TSNARE1: variants seen among roughly 807,000 people sequenced by gnomAD.
TSNARE1 encodes the protein t-SNARE domain containing 1, also known as t-SNARE domain-containing protein 1.
TSNARE1 carries 49 observed loss-of-function variants against 62.0 expected under a neutral mutation model. That is an observed-to-expected ratio of 0.79 (90% CI 0.63 to 1.00). TSNARE1 has a LOEUF of 1.00. Among genes scored for constraint, TSNARE1 ranks in the 50% least tolerant of loss-of-function variants. TSNARE1 has a pLI of 0.00. For synonymous variants in TSNARE1, 328 were observed against 294.4 expected (o/e 1.11, Z -1.17); for missense variants, 755 against 700.1 (o/e 1.08, Z -0.88).
chr8:142,305,369 G>A (rs1275582372), intron 9 of TSNARE1, among the ~76,000 whole-genome samples: 1 of 152,160 alleles, frequency 6.6e-6, no homozygotes, highest in East Asian at 1.9e-4. Context: ...GGGTGCAAAC[G>A]GGGTTCCGTG....
intron 13 of TSNARE1, among the ~76,000 whole-genome samples, chr8:142,216,905 G>A (rs1815866412): frequency 6.6e-6 from 1 of 152,150 alleles, no homozygotes; most frequent in African/African-American, 2.4e-5. Flanking sequence ...CCATCAGAGG[G>A]GAGATGAAAC....
intron 4 of TSNARE1, among the ~76,000 whole-genome samples, chr8:142,336,128 A>C (rs1021871946): frequency 1.3e-5 from 2 of 152,104 alleles, no homozygotes; most frequent in African/African-American, 4.8e-5. Context: ...TAAAAAAATA[A>C]AAATTGGCCA....
intron 12 of TSNARE1, among the ~76,000 whole-genome samples, chr8:142,247,297 C>G (rs73716174): frequency 0.014 from 2,167 of 152,322 alleles, 48 homozygotes; most frequent in African/African-American, 0.049. Flanking sequence ...GGGTCCAGCC[C>G]CCACCCTGGT....
At chr8:142,290,128 A>G (rs1190409778) in intron 10 of TSNARE1, among the ~76,000 whole-genome samples, 1 of 152,138 alleles carries the variant, frequency 6.6e-6, no homozygotes, top group Non-Finnish European at 1.5e-5. Context: ...GGGCTCCCCC[A>G]CGGGCCTAGG....
intron 11 of TSNARE1, chr8:142,280,060 ACTGC>A: frequency 1.6e-6 from 2 of 1,235,728 alleles, no homozygotes; most frequent in South Asian, 2.8e-5. Context: ...CAGCGCGTTC[ACTGC>A]CTGCAGGATG....
chr8:142,213,050 CT>C (rs1227474265), intron 13 of TSNARE1, among the ~76,000 whole-genome samples: 2 of 37,870 alleles, frequency 5.3e-5, no homozygotes, highest in East Asian at 1.4e-3. Context: ...CTCCCCCTCC[CT>C]TCCCCCTCCA....
intron 12 of TSNARE1, chr8:142,269,836 G>A (rs1176058687): frequency 5.1e-6 from 5 of 985,328 alleles, no homozygotes; most frequent in East Asian, 1.1e-4. Flanking sequence ...CCAGGCGTGC[G>A]CAGAAGGCAG....
chr8:142,292,931 G>A (rs925011121), intron 10 of TSNARE1, among the ~76,000 whole-genome samples: 4 of 152,008 alleles, frequency 2.6e-5, no homozygotes, highest in South Asian at 2.1e-4. Flanking sequence ...GGCTCTTCAC[G>A]GGGTGGCAAG....
intron 7 of TSNARE1, among the ~76,000 whole-genome samples, chr8:142,315,969 G>A (rs1225141781): frequency 6.6e-6 from 1 of 152,236 alleles, no homozygotes; most frequent in African/African-American, 2.4e-5. Context: ...GCCGCGTGAA[G>A]GAGCCATTCG....
At chr8:142,232,136 G>A (rs184136992) in intron 12 of TSNARE1, among the ~76,000 whole-genome samples, 39 of 152,328 alleles carry the variant, frequency 2.6e-4, no homozygotes, top group Middle Eastern at 3.4e-3. Context: ...AGCAGTTCCC[G>A]GCCTTTGACT....
intron 9 of TSNARE1, among the ~76,000 whole-genome samples, chr8:142,302,456 G>A (rs1026671024): frequency 6.6e-6 from 1 of 152,134 alleles, no homozygotes; most frequent in African/African-American, 2.4e-5. Flanking sequence ...CAGTTGCTGG[G>A]CCTGGATCAG....
intron 1 of TSNARE1, among the ~76,000 whole-genome samples, chr8:142,387,513 G>A (rs1837190944): frequency 6.6e-6 from 1 of 151,892 alleles, no homozygotes; most frequent in African/African-American, 2.4e-5. Context: ...ACAATAAAAT[G>A]GAAACTATTC....
intron 1 of TSNARE1, among the ~76,000 whole-genome samples, chr8:142,394,152 G>C (rs982813573): frequency 1.3e-5 from 2 of 152,228 alleles, no homozygotes. Context: ...TGGGCCCCAC[G>C]CTTATGCCTG....
intron 10 of TSNARE1, chr8:142,300,189 A>G (rs1825477443): frequency 6.8e-6 from 2 of 292,232 alleles, no homozygotes; most frequent in Non-Finnish European, 1.3e-5. Flanking sequence ...TGAAATGGCC[A>G]TGGTGACTGA....
At chr8:142,233,969 G>A (rs570545801) in intron 12 of TSNARE1, among the ~76,000 whole-genome samples, 55 of 152,330 alleles carry the variant, frequency 3.6e-4, no homozygotes, top group Non-Finnish European at 7.3e-5. Context: ...TTCCCCAGTG[G>A]AGCTGTGGGG....
At chr8:142,341,770 G>GT (rs1393101751) in intron 4 of TSNARE1, among the ~76,000 whole-genome samples, 1 of 152,192 alleles carries the variant, frequency 6.6e-6, no homozygotes, top group African/African-American at 2.4e-5. Context: ...ACCACAGACT[G>GT]TGTCTCTAAC....
chr8:142,308,702 CCCTTTCGTTCTTCTTCAAAATTG>C, intron 9 of TSNARE1, among the ~76,000 whole-genome samples: 1 of 152,308 alleles, frequency 6.6e-6, no homozygotes, highest in East Asian at 1.9e-4. Flanking sequence ...TAGTATAAAT[CCCTTTCGTTCTTCTTCAAAATTG>C]CCTTTGCTAT....
At chr8:142,355,476 C>G (rs183565943) in intron 1 of TSNARE1, among the ~76,000 whole-genome samples, 1 of 152,192 alleles carries the variant, frequency 6.6e-6, no homozygotes, top group African/African-American at 2.4e-5. Context: ...CTTGGGGCAC[C>G]GGCCGTCCCT....
At chr8:142,274,753 GGGCA>G (rs1820166003) in intron 12 of TSNARE1, 24 bp downstream of exon 12, 1 of 1,496,010 alleles carries the variant, frequency 6.7e-7, no homozygotes, top group African/African-American at 1.4e-5. Flanking sequence ...CGGGCCGGCC[GGGCA>G]CTGTGGCCCT....
Sources: gnomAD v4.1 joint callset for allele counts (sites outside exome capture counted in the v4.1 genomes callset) on GRCh38, gnomAD v4.1.1 for gene constraint, MANE v1.5 for transcripts, NCBI Gene and HGNC (gene_info 2026-07-23, HGNC 2026-07-21) for gene names.